The following FER1L6 variants were observed in gnomAD, a reference collection of about 807,000 sequenced individuals.
The protein encoded by FER1L6 is fer-1-like protein 6.
A neutral mutation model predicts 219.2 loss-of-function variants in FER1L6; 177 were observed. That is an observed-to-expected ratio of 0.81 (90% CI 0.71 to 0.91). FER1L6 has a LOEUF of 0.91. Ranked by LOEUF, FER1L6 falls within the 40% of genes least tolerant of loss-of-function variation. The pLI is 0.00. For synonymous variants in FER1L6, 768 were observed against 824.3 expected (o/e 0.93, Z 1.17); for missense variants, 2,153 against 2,259.9 (o/e 0.95, Z 0.96).
At chr8:124,009,026 A>T (rs1426249304) in intron 13 of FER1L6, among the ~76,000 whole-genome samples, 10 of 151,838 alleles carry the variant, frequency 6.6e-5, no homozygotes. Flanking sequence ...TCAAAAAAAT[A>T]AAAAAAATAG....
At position 124,061,920 on chromosome 8, in the gene FER1L6, G is replaced by T. The variant is rs1199961718; in HGVS notation, c.3216G>T (p.Gly1072=). The change falls in exon 25 of 41, where the codon GGG becomes GGT. Residue 1072 remains glycine (G), a synonymous_variant. Transcript: ENST00000522917. ...SICVVDWRAF[G]RSTLVGTYTI... is the part of the protein sequence containing the mutation. ...GCGTGGTGGACTGGAGAGCTTTTGGGAGGAGTACCCTTGTGGGCACCTACA... is the reference window on the plus strand; with the variant it reads ...GCGTGGTGGACTGGAGAGCTTTTGGTAGGAGTACCCTTGTGGGCACCTACA... 1 of 1,614,044 alleles carries T rather than the reference G, an allele frequency of 6.2e-7. No individual in the cohort carries two copies. Among genetic ancestry groups the T allele is most frequent in the Non-Finnish European group, 8.5e-7 (1 of 1,180,028 alleles).
intron 9 of FER1L6, among the ~76,000 whole-genome samples, chr8:123,976,539 T>A (rs1586543042): frequency 6.7e-6 from 1 of 149,278 alleles, no homozygotes. Flanking sequence ...GGCAACGGGA[T>A]GTGGCAGGGA....
intron 34 of FER1L6, among the ~76,000 whole-genome samples, chr8:124,092,852 CTTTTTTTTTTTT>C (rs56104148): frequency 7.1e-6 from 1 of 140,146 alleles, no homozygotes; most frequent in African/African-American, 2.7e-5. Flanking sequence ...AAGTGCTACC[CTTTTTTTTTTTT>C]TTTTTTTTTG....
intron 18 of FER1L6, among the ~76,000 whole-genome samples, chr8:124,032,897 A>G (rs535479013): frequency 1.3e-5 from 2 of 152,246 alleles, no homozygotes; most frequent in Non-Finnish European, 2.9e-5. Flanking sequence ...ATCAGGAGAA[A>G]TCAGATTCTC....
At chr8:123,900,333 T>G (rs1330588129) in intron 1 of FER1L6, among the ~76,000 whole-genome samples, 1 of 152,196 alleles carries the variant, frequency 6.6e-6, no homozygotes, top group Non-Finnish European at 1.5e-5. Context: ...ACTGATTTTG[T>G]ACATTAATCT....
intron 11 of FER1L6, among the ~76,000 whole-genome samples, chr8:123,981,527 C>T (rs149274367): frequency 1.3e-3 from 204 of 152,206 alleles, no homozygotes; most frequent in African/African-American, 4.6e-3. Context: ...GAAGTGTGCT[C>T]GGTCAACTAG....
chr8:124,114,895 GTATATA>G (rs71289637), intron 39 of FER1L6, among the ~76,000 whole-genome samples: 21,389 of 89,998 alleles, frequency 0.24, 2,716 homozygotes, highest in East Asian at 0.29. Flanking sequence ...GTGTGTGTGC[GTATATA>G]TATATATATA....
Position 124,100,184 on chromosome 8 carries a change from C to T in FER1L6, c.4884-913C>T, listed in dbSNP as rs79194505. ...GAAGGATGTCTGCTTTCAGAAAGCA[C>T]ACGGTTTGAAATTATCAACTAGTTT... On this transcript the variant is annotated intron_variant, in intron 37 of 40. Transcript: ENST00000522917. Among the ~76,000 whole-genome samples the T allele has an allele frequency of 1.8e-3, 271 of 152,328 alleles. 1 individual carries two copies. The highest frequency in any genetic ancestry group is 3.4e-3 in the Middle Eastern group (1 of 294).
At chr8:124,006,609 A>G (rs1325957451) in intron 13 of FER1L6, among the ~76,000 whole-genome samples, 1 of 152,256 alleles carries the variant, frequency 6.6e-6, no homozygotes, top group Non-Finnish European at 1.5e-5. Context: ...GTTGCAAAGC[A>G]CATGCATTCA....
chr8:124,062,467 C>T (rs148153973), intron 25 of FER1L6, among the ~76,000 whole-genome samples: 4 of 152,262 alleles, frequency 2.6e-5, no homozygotes, highest in African/African-American at 9.6e-5. Flanking sequence ...AGTGCCCTCC[C>T]CACTGCAGGC....
chr8:124,008,129 G>A (rs958078714), intron 13 of FER1L6, among the ~76,000 whole-genome samples: 2 of 152,124 alleles, frequency 1.3e-5, no homozygotes, highest in African/African-American at 4.8e-5. Flanking sequence ...AAAGTCCACT[G>A]TATCCTTCTT....
chr8:123,897,229 C>G (rs1486658285), intron 1 of FER1L6, among the ~76,000 whole-genome samples: 1 of 152,194 alleles, frequency 6.6e-6, no homozygotes, highest in Non-Finnish European at 1.5e-5. Context: ...CCCTTATCCC[C>G]TCTGGATACC....
chr8:124,011,374 G>C (rs1817912714), intron 14 of FER1L6, among the ~76,000 whole-genome samples: 4 of 151,994 alleles, frequency 2.6e-5, no homozygotes, highest in Non-Finnish European at 5.9e-5. Context: ...TTTTGTTTTT[G>C]AGAAGGGGTC....
chr8:123,914,392 G>C (rs1204484545), intron 1 of FER1L6, among the ~76,000 whole-genome samples: 3 of 152,192 alleles, frequency 2.0e-5, no homozygotes, highest in African/African-American at 7.2e-5. Flanking sequence ...ATACGTCAGT[G>C]GGTGGGGATG....
At position 124,095,039 on chromosome 8, in the gene FER1L6, G is replaced by T; in HGVS notation, c.4695+1G>T. On this transcript the variant is annotated splice_donor_variant, in intron 35 of 40. Transcript: ENST00000522917. LOFTEE classifies it high-confidence loss of function. ...CAAGGATAAGCCAGGAATGGAGCAG[G>T]TAGTGGGCAAGACTATTCTGGCCCT... 6.2e-7 allele frequency: 1 copy of T among 1,614,064 alleles called. No homozygotes were observed. The highest frequency in any genetic ancestry group is 8.5e-7 in the Non-Finnish European group (1 of 1,179,948).
At chr8:123,955,004 T>A (rs1814952822) in intron 1 of FER1L6, among the ~76,000 whole-genome samples, 1 of 152,178 alleles carries the variant, frequency 6.6e-6, no homozygotes, top group Non-Finnish European at 1.5e-5. Flanking sequence ...CCCAGAGCCC[T>A]GTTCTCAGCA....
chr8:123,963,165 C>G, intron 2 of FER1L6, 113 bp from the exon 3 acceptor site: 8 of 1,362,994 alleles, frequency 5.9e-6, no homozygotes, highest in Non-Finnish European at 7.0e-6. Context: ...AGTCTGTCTT[C>G]TAGTCTCTTT....
At chr8:124,076,366 A>G (rs780220657) in intron 32 of FER1L6, 41 bp downstream of exon 32, 10 of 1,593,120 alleles carry the variant, frequency 6.3e-6, no homozygotes, top group Admixed American at 1.7e-5. Context: ...TCCTTTCTGC[A>G]TTTGCTCCTG....
intron 11 of FER1L6, 24 bp from the exon 12 acceptor site, chr8:123,986,044 A>G (rs777580381): frequency 7.3e-7 from 1 of 1,365,332 alleles, no homozygotes; most frequent in South Asian, 1.2e-5. Context: ...AGTTCTGCCT[A>G]ATAATTTTGT....
Sources: allele counts gnomAD v4.1 joint callset (sites outside exome capture counted in the v4.1 genomes callset), GRCh38; gene constraint gnomAD v4.1.1; transcripts MANE v1.5; gene names NCBI Gene and HGNC (gene_info 2026-07-23, HGNC 2026-07-21).